SGCZ: variants seen among roughly 807,000 people sequenced by gnomAD.
The protein encoded by SGCZ is zeta-sarcoglycan.
In SGCZ, 40 loss-of-function variants were observed where a neutral mutation model predicts 41.3. The observed-to-expected ratio is 0.97, with a 90% CI of 0.75 to 1.26. The LOEUF is 1.26. Ranked by LOEUF, SGCZ falls within the 50% of genes most tolerant of loss-of-function variation. The pLI is 0.00. For missense variants in SGCZ, 552 were observed against 369.8 expected (o/e 1.49, Z -4.04); for synonymous variants, 206 against 137.5 (o/e 1.50, Z -3.49).
intron 3 of SGCZ, among the ~76,000 whole-genome samples, chr8:14,246,889 G>A (rs1227134023): frequency 1.2e-4 from 15 of 123,918 alleles, no homozygotes; most frequent in African/African-American, 4.1e-4. Context: ...CAGCCTGGGC[G>A]ACAGAATGAG....
intron 1 of SGCZ, among the ~76,000 whole-genome samples, chr8:15,082,150 A>AC (rs1272675995): frequency 6.6e-6 from 1 of 151,800 alleles, no homozygotes; most frequent in African/African-American, 2.4e-5. Flanking sequence ...AATCGCTTGA[A>AC]CCCAGGAGGC....
At chr8:14,418,971 T>G (rs1585483711) in intron 2 of SGCZ, among the ~76,000 whole-genome samples, 2 of 151,956 alleles carry the variant, frequency 1.3e-5, no homozygotes, top group Admixed American at 1.3e-4. Context: ...TCATGTTAAC[T>G]ATCTACTAGC....
At chr8:14,991,242 C>T (rs149461446) in intron 1 of SGCZ, among the ~76,000 whole-genome samples, 286 of 152,074 alleles carry the variant, frequency 1.9e-3, no homozygotes, top group Admixed American at 2.8e-3. Context: ...ATTCTCATTC[C>T]ATTCAGAAAC....
Position 14,088,840 on chromosome 8 carries a change from C to A in SGCZ, c.*1603G>T, listed in dbSNP as rs1202418037. The stretch of plus-strand genomic sequence containing the variant: ...CTACTTTCACTAACCACATCTTTTG[C>A]AACAAGTTCTAATCTCCCAGTTCAC... On this transcript the variant is annotated 3_prime_UTR_variant, in exon 8 of 8. Coordinates refer to ENST00000382080, the MANE Select transcript of SGCZ (RefSeq NM_139167.4). Among the ~76,000 whole-genome samples, 4 of 151,848 alleles carry A rather than the reference C, an allele frequency of 2.6e-5. No individual in the cohort carries two copies. Among genetic ancestry groups the A allele is most frequent in the African/African-American group, 9.7e-5 (4 of 41,386 alleles).
At chr8:14,864,930 G>C (rs892599091) in intron 1 of SGCZ, among the ~76,000 whole-genome samples, 16 of 151,880 alleles carry the variant, frequency 1.1e-4, no homozygotes, top group African/African-American at 3.6e-4. Context: ...TGGTGATGTT[G>C]AGCATTTTTT....
intron 1 of SGCZ, among the ~76,000 whole-genome samples, chr8:14,614,621 T>C (rs1241394952): frequency 1.3e-5 from 2 of 152,200 alleles, no homozygotes; most frequent in Non-Finnish European, 2.9e-5. Flanking sequence ...CCTTTGATTC[T>C]ACTTCATTTT....
chr8:15,038,814 CAAAAAAAAAAAAA>C (rs58922339), intron 1 of SGCZ, among the ~76,000 whole-genome samples: 1 of 93,088 alleles, frequency 1.1e-5, no homozygotes, highest in African/African-American at 4.0e-5. Flanking sequence ...TGACATTTCT[CAAAAAAAAAAAAA>C]AAAAAAAAAA....
chr8:14,960,497 G>C (rs1204406762), intron 1 of SGCZ, among the ~76,000 whole-genome samples: 2 of 152,056 alleles, frequency 1.3e-5, no homozygotes, highest in African/African-American at 4.8e-5. Flanking sequence ...ACCAATCTCT[G>C]TTGTATGCCA....
chr8:14,412,654 T>G (rs1318918629), intron 2 of SGCZ, among the ~76,000 whole-genome samples: 1 of 152,064 alleles, frequency 6.6e-6, no homozygotes, highest in Non-Finnish European at 1.5e-5. Flanking sequence ...TTTCTTGTGC[T>G]ATTCATTTCA....
At chr8:15,072,334 T>A (rs1408508385) in intron 1 of SGCZ, among the ~76,000 whole-genome samples, 3 of 152,134 alleles carry the variant, frequency 2.0e-5, no homozygotes, top group Admixed American at 2.0e-4. Flanking sequence ...AAATTATATA[T>A]CCATGGTGTG....
intron 1 of SGCZ, among the ~76,000 whole-genome samples, chr8:14,637,786 T>A (rs2117417060): frequency 6.6e-6 from 1 of 151,976 alleles, no homozygotes; most frequent in African/African-American, 2.4e-5. Context: ...AAAATATGCA[T>A]GCATGTATCT....
chr8:14,938,520 TTATTA>T (rs747201196), intron 1 of SGCZ, among the ~76,000 whole-genome samples: 1 of 152,232 alleles, frequency 6.6e-6, no homozygotes, highest in African/African-American at 2.4e-5. Context: ...CTAGCTTACT[TTATTA>T]TAAGAACACA....
intron 1 of SGCZ, among the ~76,000 whole-genome samples, chr8:15,004,920 C>T (rs1048332345): frequency 5.3e-5 from 8 of 152,086 alleles, no homozygotes; most frequent in Admixed American, 1.3e-4. Flanking sequence ...GCCACACCTC[C>T]ACCCCCAATT....
intron 1 of SGCZ, among the ~76,000 whole-genome samples, chr8:14,677,124 A>G (rs2117528687): frequency 6.6e-6 from 1 of 152,220 alleles, no homozygotes; most frequent in East Asian, 1.9e-4. Context: ...TAGCAAGGTG[A>G]TGCAACATTA....
intron 1 of SGCZ, among the ~76,000 whole-genome samples, chr8:15,146,272 T>C (rs931412428): frequency 3.3e-5 from 5 of 152,212 alleles, no homozygotes; most frequent in Non-Finnish European, 7.3e-5. Flanking sequence ...ATGCCTACCG[T>C]TGATTTTCGT....
At chr8:14,270,465 G>A (rs78482714) in intron 3 of SGCZ, among the ~76,000 whole-genome samples, 6,219 of 152,102 alleles carry the variant, frequency 0.041, 198 homozygotes, top group South Asian at 0.071. Context: ...GAACCGATAC[G>A]GCTTCAGTTT....
chr8:14,568,161 A>G (rs1273559556), intron 1 of SGCZ, among the ~76,000 whole-genome samples: 1 of 151,686 alleles, frequency 6.6e-6, no homozygotes, highest in African/African-American at 2.4e-5. Flanking sequence ...GCATATTCTC[A>G]CTCAAAAGTG....
chr8:14,939,876 T>C (rs1348360982), intron 1 of SGCZ, among the ~76,000 whole-genome samples: 1 of 152,274 alleles, frequency 6.6e-6, no homozygotes, highest in Non-Finnish European at 1.5e-5. Context: ...TAAAACCACA[T>C]TGATGTCAGC....
chr8:14,131,612 A>G (rs931939572), intron 5 of SGCZ, among the ~76,000 whole-genome samples: 6 of 152,104 alleles, frequency 3.9e-5, no homozygotes, highest in Admixed American at 6.5e-5. Flanking sequence ...TTGTCTGACT[A>G]TCTTTCAGTT....
Sources: allele counts gnomAD v4.1 joint callset (sites outside exome capture counted in the v4.1 genomes callset), GRCh38; gene constraint gnomAD v4.1.1; transcripts MANE v1.5; gene names NCBI Gene and HGNC (gene_info 2026-07-23, HGNC 2026-07-21).